TTC27: variants seen among roughly 807,000 people sequenced by gnomAD.
TTC27 encodes tetratricopeptide repeat domain 27.
In TTC27, 79 loss-of-function variants were observed where a neutral mutation model predicts 115.9. That is an observed-to-expected ratio of 0.68 (90% CI 0.57 to 0.82). TTC27 has a LOEUF of 0.82. TTC27 is among the 40% of genes least tolerant of loss of function. The pLI is 0.00. For missense variants in TTC27, 1,054 were observed against 993.1 expected, an observed-to-expected ratio of 1.06 and a Z score of -0.82; for synonymous variants, 401 against 356.0, an observed-to-expected ratio of 1.13 and a Z score of -1.42.
At chr2:32,646,434 G>A (rs1041470428) in intron 4 of TTC27, among the ~76,000 whole-genome samples, 1 of 151,998 alleles carries the variant, frequency 6.6e-6, no homozygotes, top group African/African-American at 2.4e-5. Context: ...TTCCCAAAGT[G>A]CTGGGATTAA....
At chr2:32,759,337 C>T (rs929963306) in intron 13 of TTC27, among the ~76,000 whole-genome samples, 9 of 152,174 alleles carry the variant, frequency 5.9e-5, no homozygotes, top group Non-Finnish European at 1.2e-4. Flanking sequence ...TACTATGAGC[C>T]AGGTAATTCA....
At chr2:32,812,430 T>C in intron 17 of TTC27, 74 bp from the exon 18 acceptor site, 1 of 1,109,948 alleles carries the variant, frequency 9.0e-7, no homozygotes, top group South Asian at 1.3e-5. Flanking sequence ...TAGTTCCATA[T>C]GACTTCCAGG....
intron 5 of TTC27, among the ~76,000 whole-genome samples, chr2:32,650,630 G>A (rs1229013059): frequency 2.0e-5 from 3 of 151,792 alleles, no homozygotes; most frequent in Non-Finnish European, 2.9e-5. Context: ...TTGAGCTGGA[G>A]TAAATTATGT....
At chr2:32,789,131 G>A (rs1320738740) in intron 16 of TTC27, among the ~76,000 whole-genome samples, 1 of 152,112 alleles carries the variant, frequency 6.6e-6, no homozygotes, top group African/African-American at 2.4e-5. Context: ...TTCAAAGATT[G>A]TTTGGAAAAG....
At chr2:32,717,249 C>T (rs1333309342) in intron 10 of TTC27, among the ~76,000 whole-genome samples, 7 of 152,138 alleles carry the variant, frequency 4.6e-5, no homozygotes, top group Admixed American at 3.3e-4. Flanking sequence ...GCTGGGATTA[C>T]AGGCATGAGC....
intron 16 of TTC27, among the ~76,000 whole-genome samples, chr2:32,798,579 C>T (rs1294478668): frequency 8.0e-5 from 12 of 150,800 alleles, no homozygotes; most frequent in Admixed American, 6.0e-4. Flanking sequence ...GTGGTGGGCG[C>T]CTGTGGTCCT....
At chr2:32,650,360 T>A in intron 5 of TTC27, 127 bp downstream of exon 5, 1 of 480,670 alleles carries the variant, frequency 2.1e-6, no homozygotes, top group East Asian at 3.3e-5. Flanking sequence ...TTTCTTTTTT[T>A]TTTTTTTTTT....
chr2:32,811,311 C>T (rs1195009189), intron 17 of TTC27, 90 bp downstream of exon 17: 1 of 1,232,476 alleles, frequency 8.1e-7, no homozygotes, highest in East Asian at 2.5e-5. Flanking sequence ...AAGAGTTTAA[C>T]AATCTGAAAG....
intron 13 of TTC27, among the ~76,000 whole-genome samples, chr2:32,775,710 A>G (rs1029745404): frequency 6.6e-6 from 1 of 152,150 alleles, no homozygotes; most frequent in Admixed American, 6.6e-5. Flanking sequence ...ACCTTTAAGT[A>G]CCACTTTGTA....
intron 13 of TTC27, among the ~76,000 whole-genome samples, chr2:32,759,915 G>T (rs1322344526): frequency 1.3e-5 from 2 of 152,190 alleles, no homozygotes; most frequent in Non-Finnish European, 2.9e-5. Context: ...TGTAGCATGT[G>T]TCAGAACCTC....
chr2:32,814,065 A>G (rs1473934460), intron 18 of TTC27, among the ~76,000 whole-genome samples: 1 of 152,210 alleles, frequency 6.6e-6, no homozygotes, highest in African/African-American at 2.4e-5. Context: ...GTACATAATT[A>G]GCAGGATGGG....
intron 16 of TTC27, among the ~76,000 whole-genome samples, chr2:32,792,909 C>T (rs1354670750): frequency 1.3e-5 from 2 of 152,212 alleles, no homozygotes; most frequent in Non-Finnish European, 2.9e-5. Context: ...ATGTGAGAGG[C>T]CTTCAACTCT....
chr2:32,666,225 CT>C, intron 6 of TTC27, among the ~76,000 whole-genome samples: 1 of 152,164 alleles, frequency 6.6e-6, no homozygotes, highest in Non-Finnish European at 1.5e-5. Context: ...AAGATCCTGG[CT>C]TTAAGCTCTG....
chr2:32,818,714 C>T (rs1349076572), intron 19 of TTC27, among the ~76,000 whole-genome samples: 2 of 152,158 alleles, frequency 1.3e-5, no homozygotes, highest in African/African-American at 2.4e-5. Flanking sequence ...TTCACTATTG[C>T]ATCTTGGGTT....
intron 14 of TTC27, among the ~76,000 whole-genome samples, chr2:32,781,578 G>C (rs1454772626): frequency 6.6e-6 from 1 of 151,900 alleles, no homozygotes; most frequent in Non-Finnish European, 1.5e-5. Context: ...TGTTAAAGTG[G>C]GTCTGGAGTT....
At chr2:32,808,551 A>G (rs1050331836) in intron 16 of TTC27, among the ~76,000 whole-genome samples, 2 of 152,166 alleles carry the variant, frequency 1.3e-5, no homozygotes, top group African/African-American at 4.8e-5. Context: ...CCCACAACAG[A>G]CAGAAGCTTC....
intron 9 of TTC27, among the ~76,000 whole-genome samples, chr2:32,690,198 C>G (rs1442805541): frequency 6.6e-6 from 1 of 152,074 alleles, no homozygotes; most frequent in African/African-American, 2.4e-5. Context: ...AGAGGTTTTT[C>G]TTTTTTGAAG....
At chr2:32,686,665 C>T (rs1325696604) in intron 9 of TTC27, among the ~76,000 whole-genome samples, 3 of 151,910 alleles carry the variant, frequency 2.0e-5, no homozygotes, top group Admixed American at 1.3e-4. Context: ...CCGGCTGCTT[C>T]TGTAGTGGTT....
intron 13 of TTC27, chr2:32,766,427 A>G (rs1009737044): frequency 2.5e-6 from 1 of 397,664 alleles, no homozygotes. Flanking sequence ...GAGGCACTGT[A>G]GGGTTATTAA....
Sources: gnomAD v4.1 joint callset for allele counts (sites outside exome capture counted in the v4.1 genomes callset) on GRCh38, gnomAD v4.1.1 for gene constraint, MANE v1.5 for transcripts, NCBI Gene and HGNC (gene_info 2026-07-23, HGNC 2026-07-21) for gene names.